CREB3L3: variants seen among roughly 807,000 people sequenced by gnomAD.
CREB3L3 encodes the protein cAMP responsive element binding protein 3 like 3.
Under a neutral mutation model 44.6 loss-of-function variants are expected in CREB3L3, and 40 were observed. The observed-to-expected ratio is 0.90, with a 90% CI of 0.70 to 1.17. The LOEUF is 1.17. Ranked by LOEUF, CREB3L3 falls within the 50% of genes most tolerant of loss-of-function variation. The probability of loss-of-function intolerance (pLI) is 0.00; values close to 1 mark genes in which losing one functional copy is unlikely to be tolerated. For synonymous variants in CREB3L3, 273 were observed against 256.3 expected, an observed-to-expected ratio of 1.06 and a Z score of -0.62; for missense variants, 578 against 595.8, an observed-to-expected ratio of 0.97 and a Z score of 0.31.
At chr19:4,167,506 AAGAG>A (rs1468050838) in intron 5 of CREB3L3, among the ~76,000 whole-genome samples, 1 of 133,378 alleles carries the variant, frequency 7.5e-6, no homozygotes, top group Non-Finnish European at 1.6e-5. Context: ...GAGAAAGAGA[AAGAG>A]AGAAAGAGAG....
At chr19:4,168,199 A>G (rs980068229) in intron 5 of CREB3L3, 152 bp from the exon 6 acceptor site, 3 of 537,944 alleles carry the variant, frequency 5.6e-6, no homozygotes, top group African/African-American at 1.9e-5. Flanking sequence ...GTGTTTCACC[A>G]TGTTGGCCAG....
chr19:4,156,094 TCTCTCTCTCTC>T (rs2041570051), intron 2 of CREB3L3, among the ~76,000 whole-genome samples: 2 of 7,760 alleles, frequency 2.6e-4, no homozygotes, highest in South Asian at 9.8e-3. Context: ...TCTCTCTCTC[TCTCTCTCTCTC>T]TCTCTCTCTC....
In CREB3L3 at chr19:4,170,219, G is replaced by T. The variant is rs1213135527; in HGVS notation, c.890+11G>T. 7 of 1,613,866 alleles carry T rather than the reference G, an allele frequency of 4.3e-6. No homozygotes were observed. The highest frequency in any genetic ancestry group is 5.9e-6 in the Non-Finnish European group (7 of 1,179,954). ...CGAGAAGCAAAACCTGTGAGTCTGGGTCCAGCTGGGGCAGAGGACAGGGGA... is the reference window on the plus strand; with the variant it reads ...CGAGAAGCAAAACCTGTGAGTCTGGTTCCAGCTGGGGCAGAGGACAGGGGA... On this transcript the variant is annotated intron_variant, in intron 7 of 9. Transcript: ENST00000078445.
intron 1 of CREB3L3, among the ~76,000 whole-genome samples, chr19:4,154,562 A>T (rs891043005): frequency 1.3e-5 from 2 of 151,738 alleles, no homozygotes; most frequent in Non-Finnish European, 2.9e-5. Context: ...TGCAGTAGGG[A>T]TAGGGGTCTC....
At chr19:4,155,086 C>A in intron 2 of CREB3L3, 59 bp downstream of exon 2, 1 of 1,595,076 alleles carries the variant, frequency 6.3e-7, no homozygotes. Context: ...CCAACTGAGG[C>A]CCCACGAAGG....
intron 1 of CREB3L3, among the ~76,000 whole-genome samples, chr19:4,154,374 CT>C (rs1470628537): frequency 6.6e-6 from 1 of 151,912 alleles, no homozygotes; most frequent in East Asian, 1.9e-4. Flanking sequence ...GCCTGCCATA[CT>C]TTTTTGTTTT....
intron 3 of CREB3L3, among the ~76,000 whole-genome samples, chr19:4,157,720 CT>C (rs1342735424): frequency 6.6e-6 from 1 of 152,058 alleles, no homozygotes; most frequent in Non-Finnish European, 1.5e-5. Context: ...GAGTTTCACT[CT>C]GTCACCCAGG....
chr19:4,161,533 G>T (rs1231123286), intron 4 of CREB3L3, among the ~76,000 whole-genome samples: 2 of 152,124 alleles, frequency 1.3e-5, no homozygotes, highest in Non-Finnish European at 2.9e-5. Context: ...TGAGCTTATG[G>T]TGCCCATTGC....
chr19:4,167,331 G>A (rs1966927439), intron 5 of CREB3L3, among the ~76,000 whole-genome samples: 1 of 81,488 alleles, frequency 1.2e-5, no homozygotes, highest in Non-Finnish European at 2.3e-5. Context: ...TGACAAGAGC[G>A]AAACAAGAAA....
intron 2 of CREB3L3, among the ~76,000 whole-genome samples, chr19:4,156,149 C>T (rs576450598): frequency 7.9e-5 from 8 of 100,660 alleles, no homozygotes; most frequent in Admixed American, 1.2e-4. Flanking sequence ...CTCTCTCTCT[C>T]CCCCTCCCTC....
intron 5 of CREB3L3, among the ~76,000 whole-genome samples, chr19:4,165,000 C>T (rs890249491): frequency 7.2e-5 from 11 of 152,048 alleles, no homozygotes; most frequent in African/African-American, 2.7e-4. Flanking sequence ...TGAGCCACCG[C>T]ACTGGCTATG....
Position 4,159,655 on chromosome 19 carries a change from C to G in CREB3L3, c.458-9C>G. On this transcript the variant is annotated splice_polypyrimidine_tract_variant and intron_variant, in intron 3 of 9. Coordinates refer to ENST00000078445, the MANE Select transcript of CREB3L3 (RefSeq NM_032607.3). ...TCTCCCTGTCTCCGTCCCCACCTGC[C>G]CTGGTCAGAAATGTGGAGCCCAGGA... 1 of 1,365,230 alleles carries G rather than the reference C, an allele frequency of 7.3e-7. No homozygotes were observed. The highest frequency in any genetic ancestry group is 1.0e-6 in the Non-Finnish European group (1 of 952,790). 84.6% of individuals were successfully genotyped at this position (1,365,230 alleles called of 1,614,324 possible). A position where few individuals can be genotyped will look rare whatever the true frequency, so the allele number is the denominator to read the frequency against.
intron 6 of CREB3L3, 24 bp downstream of exon 6, chr19:4,168,481 C>T: frequency 1.3e-6 from 2 of 1,553,734 alleles, no homozygotes; most frequent in South Asian, 1.1e-5. Context: ...GACCCAGACT[C>T]TACACTCGTG....
In CREB3L3 at chr19:4,161,241, C is replaced by CGTGATCCCAG. The variant is rs1245480561; in HGVS notation, c.576+1463_576+1464insTCCCAGGTGA. ...CCTCCCAAAGTGCTGGGATTACAGGCGTGAGCCACCGTGCCCCGTTTAGAC... is the reference window on the plus strand; with the variant it reads ...CCTCCCAAAGTGCTGGGATTACAGGCGTGATCCCAGGTGAGCCACCGTGCCCCGTTTAGAC... On this transcript the variant is annotated intron_variant, in intron 4 of 9. Coordinates refer to ENST00000078445, the MANE Select transcript of CREB3L3 (RefSeq NM_032607.3). Among the ~76,000 whole-genome samples, 5 of 151,968 alleles carry CGTGATCCCAG rather than the reference C, an allele frequency of 3.3e-5. 1 individual carries two copies. The highest frequency in any genetic ancestry group is 6.8e-3 in the Middle Eastern group (2 of 294).
rs906675499 is a variant in CREB3L3 at position 4,171,793 on chromosome 19, G to A, written c.1210G>A (p.Gly404Ser). Residue 404 changes from glycine (G) to serine (S), a missense_variant, in exon 10 of 10, where the codon GGC (glycine) becomes AGC (serine). Physicochemically the swap from Gly to Ser is moderately conservative, Grantham distance 56 (BLOSUM62 0). Coordinates refer to ENST00000078445, the MANE Select transcript of CREB3L3 (RefSeq NM_032607.3). This position sits in a 1 kb window ranked among gnomAD's most constrained non-coding sequence, Gnocchi z 4.9. ...ESPGSPGADW[G>S]FQDTANLTNS... ...TCCAGGAAGCCCCGGGGCAGACTGG[G>A]GCTTCCAGGACACCGCGAACCTGAC... The A allele has an allele frequency of 3.7e-6, 6 of 1,613,420 alleles. No individual in the cohort carries two copies. The highest frequency in any genetic ancestry group is 1.3e-5 in the African/African-American group (1 of 74,900).
chr19:4,166,087 G>GTT lies in CREB3L3; in HGVS notation c.714+1460_714+1461dup, dbSNP rs5826835. On this transcript the variant is annotated intron_variant, in intron 5 of 9. Transcript: ENST00000078445. Reference sequence around the variant, plus strand: ...ATGCCTGAGTTTGATATTCTCATCTGTTTTTTTTTTTTTTCTATTGAGACA... The same window carrying GTT: ...ATGCCTGAGTTTGATATTCTCATCTGTTTTTTTTTTTTTTTTCTATTGAGACA... Among the ~76,000 whole-genome samples the GTT allele has an allele frequency of 3.9e-3, 555 of 140,862 alleles. 6 individuals are homozygous for GTT. Among genetic ancestry groups the GTT allele is most frequent in the African/African-American group, 0.014 (533 of 38,658 alleles). 92.4% of individuals were successfully genotyped at this position (140,862 alleles called of 152,430 possible). A position where few individuals can be genotyped will look rare whatever the true frequency, so the allele number is the denominator to read the frequency against.
intron 5 of CREB3L3, among the ~76,000 whole-genome samples, chr19:4,166,340 C>T (rs1202875058): frequency 3.3e-5 from 5 of 151,170 alleles, no homozygotes; most frequent in East Asian, 2.0e-4. Flanking sequence ...CTGCAACCTC[C>T]GCTTCCCAGG....
chr19:4,166,421 A>ATT (rs35783380), intron 5 of CREB3L3, among the ~76,000 whole-genome samples: 16 of 103,756 alleles, frequency 1.5e-4, no homozygotes, highest in East Asian at 6.1e-4. Flanking sequence ...CGCCTGGCTA[A>ATT]TTTTTTTTTT....
chr19:4,170,953 AAT>A (rs1336464178), intron 7 of CREB3L3, 136 bp from the exon 8 acceptor site: 5 of 431,810 alleles, frequency 1.2e-5, no homozygotes. Flanking sequence ...AAATAAATAA[AAT>A]AAATAATAAA....
Sources: allele counts gnomAD v4.1 joint callset (sites outside exome capture counted in the v4.1 genomes callset), GRCh38; gene constraint gnomAD v4.1.1; non-coding constraint Gnocchi (gnomAD v3.1); transcripts MANE v1.5; gene names NCBI Gene and HGNC (gene_info 2026-07-23, HGNC 2026-07-21).